MEGF11: variants seen among roughly 807,000 people sequenced by gnomAD.
MEGF11 encodes the protein multiple EGF like domains 11, also known as multiple epidermal growth factor-like domains protein 11.
Under a neutral mutation model 146.6 loss-of-function variants are expected in MEGF11, and 126 were observed. That is an observed-to-expected ratio of 0.86 (90% CI 0.74 to 1.00). The LOEUF is 1.00. Among genes scored for constraint, MEGF11 ranks in the 50% least tolerant of loss-of-function variants. The pLI is 0.00. For missense variants in MEGF11, 1,509 were observed against 1,521.2 expected (o/e 0.99, Z 0.13); for synonymous variants, 532 against 583.4 (o/e 0.91, Z 1.27).
chr15:66,134,877 G>A (rs911432999), intron 1 of MEGF11, among the ~76,000 whole-genome samples: 9 of 152,262 alleles, frequency 5.9e-5, no homozygotes, highest in Non-Finnish European at 2.9e-5. Context: ...TCATCCTCTA[G>A]GAGGGGAAAC....
At chr15:66,032,489 A>C (rs1343449534) in intron 5 of MEGF11, among the ~76,000 whole-genome samples, 1 of 152,242 alleles carries the variant, frequency 6.6e-6, no homozygotes, top group East Asian at 1.9e-4. Context: ...AGAAGAGAAG[A>C]CTGGAGAAAG....
At chr15:65,951,786 G>A (rs2080411609) in intron 10 of MEGF11, among the ~76,000 whole-genome samples, 1 of 152,030 alleles carries the variant, frequency 6.6e-6, no homozygotes, top group African/African-American at 2.4e-5. Flanking sequence ...ATTGCTTGGG[G>A]CCAGGAGTTC....
At chr15:66,132,487 A>T (rs2088688134) in intron 1 of MEGF11, among the ~76,000 whole-genome samples, 1 of 152,230 alleles carries the variant, frequency 6.6e-6, no homozygotes. Flanking sequence ...TGTCAATCCC[A>T]GTCCATCTTC....
intron 1 of MEGF11, among the ~76,000 whole-genome samples, chr15:66,173,625 T>G (rs2090319978): frequency 6.6e-6 from 1 of 152,170 alleles, no homozygotes; most frequent in Non-Finnish European, 1.5e-5. Context: ...CAACAGAAGG[T>G]GATTATTTAG....
chr15:66,061,784 C>G (rs1422534657), intron 5 of MEGF11, among the ~76,000 whole-genome samples: 1 of 152,066 alleles, frequency 6.6e-6, no homozygotes, highest in Non-Finnish European at 1.5e-5. Flanking sequence ...TATGGGCATG[C>G]ACCAGCACAC....
chr15:66,099,213 T>TTTC lies in MEGF11; in HGVS notation c.302-4720_302-4719insGAA, dbSNP rs1182087707. Among the ~76,000 whole-genome samples the TTTC allele has an allele frequency of 4.7e-5, 7 of 147,788 alleles. No individual in the cohort carries two copies. In the East Asian group the frequency reaches 1.4e-3, roughly 30 times the overall value. ...CCCACCCCTCCTTTTTCTTTTTTTTTTTTTTTTTTGATATGGAGTCTTGCT... is the reference window on the plus strand; with the variant it reads ...CCCACCCCTCCTTTTTCTTTTTTTTTTTCTTTTTTTTTGATATGGAGTCTTGCT... On this transcript the variant is annotated intron_variant, in intron 4 of 25. Coordinates refer to ENST00000395614, the MANE Select transcript of MEGF11 (RefSeq NM_001385028.1).
intron 5 of MEGF11, among the ~76,000 whole-genome samples, chr15:66,057,233 C>T (rs1404451919): frequency 6.6e-5 from 10 of 152,058 alleles, no homozygotes; most frequent in South Asian, 2.1e-4. Flanking sequence ...TGAAGCAAAA[C>T]GAGGGTAGGG....
chr15:66,185,851 C>A (rs182416072), intron 1 of MEGF11, among the ~76,000 whole-genome samples: 103 of 152,252 alleles, frequency 6.8e-4, no homozygotes, highest in African/African-American at 2.4e-3. Context: ...AGAGGCAGGG[C>A]CAGGCAGGGG....
chr15:66,051,732 G>T (rs1182520241), intron 5 of MEGF11, among the ~76,000 whole-genome samples: 2 of 152,148 alleles, frequency 1.3e-5, no homozygotes, highest in African/African-American at 4.8e-5. Flanking sequence ...GCTGACCAGG[G>T]CTTAGAACTC....
At chr15:66,125,951 A>G (rs1043527279) in intron 2 of MEGF11, among the ~76,000 whole-genome samples, 1 of 152,280 alleles carries the variant, frequency 6.6e-6, no homozygotes, top group South Asian at 2.1e-4. Context: ...GGGCCGAACG[A>G]GTCTGGCAAC....
At chr15:66,107,183 C>T (rs992520398) in intron 4 of MEGF11, among the ~76,000 whole-genome samples, 8 of 152,190 alleles carry the variant, frequency 5.3e-5, no homozygotes, top group Admixed American at 3.9e-4. Context: ...GTCCAGCTCC[C>T]CAGCCAGTCC....
intron 1 of MEGF11, among the ~76,000 whole-genome samples, chr15:66,134,196 C>T (rs375826465): frequency 5.9e-5 from 9 of 152,142 alleles, no homozygotes; most frequent in East Asian, 1.9e-4. Flanking sequence ...CAGTAGAAAC[C>T]GCCAAACTAA....
rs2084791142 is a variant in MEGF11, at chr15:66,058,996, G to A, written c.394+35406C>T. Among the ~76,000 whole-genome samples, 4 of 152,262 alleles carry A rather than the reference G, an allele frequency of 2.6e-5. No individual in the cohort carries two copies. The South Asian group carries it at 8.3e-4, about 32-fold the overall frequency. Reference sequence around the variant, plus strand: ...GACTCCCAACCACTCGGCAATTAAAGGGTTGATCCTTCCCCTGCTAGGAGT... The same window carrying A: ...GACTCCCAACCACTCGGCAATTAAAAGGTTGATCCTTCCCCTGCTAGGAGT... On this transcript the variant is annotated intron_variant, in intron 5 of 25. Coordinates refer to ENST00000395614, the MANE Select transcript of MEGF11 (RefSeq NM_001385028.1).
chr15:65,984,970 T>A (rs1339906265), intron 5 of MEGF11, among the ~76,000 whole-genome samples: 1 of 151,968 alleles, frequency 6.6e-6, no homozygotes, highest in Non-Finnish European at 1.5e-5. Context: ...GGTTTCACCA[T>A]GTTGGCCGGG....
At chr15:65,938,747 C>A (rs765358594) in intron 10 of MEGF11, among the ~76,000 whole-genome samples, 31 of 152,228 alleles carry the variant, frequency 2.0e-4, no homozygotes, top group African/African-American at 7.5e-4. Flanking sequence ...AACAAACCCT[C>A]GACGCTGGTC....
intron 1 of MEGF11, among the ~76,000 whole-genome samples, chr15:66,192,470 AAAAATAAAATAAAATAAAAT>A (rs56910946): frequency 0.062 from 8,133 of 130,440 alleles, 378 homozygotes; most frequent in African/African-American, 0.12. Flanking sequence ...ACTCCATCTC[AAAAATAAAATAAAATAAAAT>A]AAAATAAAAT....
At chr15:66,188,002 C>T (rs1450130137) in intron 1 of MEGF11, among the ~76,000 whole-genome samples, 3 of 152,228 alleles carry the variant, frequency 2.0e-5, no homozygotes, top group African/African-American at 7.2e-5. Flanking sequence ...CACTTCCAAC[C>T]TTAGCACTAC....
intron 10 of MEGF11, among the ~76,000 whole-genome samples, chr15:65,947,429 G>A (rs61120158): frequency 0.075 from 11,481 of 152,214 alleles, 431 homozygotes; most frequent in Middle Eastern, 0.11. Flanking sequence ...TGGGGCTGGT[G>A]TAAAGCTCCA....
chr15:66,231,548 C>T (rs1477619105), intron 1 of MEGF11, among the ~76,000 whole-genome samples: 6 of 152,102 alleles, frequency 3.9e-5, no homozygotes, highest in Non-Finnish European at 7.4e-5. Flanking sequence ...ACACAGGCTG[C>T]CCCTGAGCAC....
Sources: gnomAD v4.1 joint callset for allele counts (sites outside exome capture counted in the v4.1 genomes callset) on GRCh38, gnomAD v4.1.1 for gene constraint, MANE v1.5 for transcripts, NCBI Gene and HGNC (gene_info 2026-07-23, HGNC 2026-07-21) for gene names.